EXOC4: variants seen among roughly 807,000 people sequenced by gnomAD.
EXOC4 encodes the protein SEC8-like 1.
EXOC4 carries 71 observed loss-of-function variants against 107.2 expected under a neutral mutation model. That is an observed-to-expected ratio of 0.66 (90% CI 0.55 to 0.81). The LOEUF is 0.81. Among genes scored for constraint, EXOC4 ranks in the 30% least tolerant of loss-of-function variants. The pLI is 0.00. For missense variants in EXOC4, 1,108 were observed against 1,189.6 expected, an observed-to-expected ratio of 0.93 and a Z score of 1.01; for synonymous variants, 456 against 441.2, an observed-to-expected ratio of 1.03 and a Z score of -0.42.
intron 10 of EXOC4, among the ~76,000 whole-genome samples, chr7:133,774,928 T>G (rs2151166223): frequency 6.6e-6 from 1 of 151,386 alleles, no homozygotes; most frequent in Admixed American, 6.6e-5. Flanking sequence ...ATTAGTTGAA[T>G]AAATAAGGAT....
At chr7:133,517,119 C>G (rs1165321007) in intron 9 of EXOC4, among the ~76,000 whole-genome samples, 1 of 151,910 alleles carries the variant, frequency 6.6e-6, no homozygotes, top group East Asian at 1.9e-4. Flanking sequence ...ATTTAAAAGA[C>G]AAATATTTGA....
intron 7 of EXOC4, among the ~76,000 whole-genome samples, chr7:133,469,529 AT>A (rs1382983158): frequency 6.6e-6 from 1 of 152,202 alleles, no homozygotes; most frequent in Non-Finnish European, 1.5e-5. Flanking sequence ...AGATGCCAGT[AT>A]TTTGCAAAGA....
the EXOC4 span, among the ~76,000 whole-genome samples, chr7:134,079,404 A>T: frequency 6.6e-6 from 1 of 151,184 alleles, no homozygotes; most frequent in Non-Finnish European, 1.5e-5. Context: ...AGGTTTACTT[A>T]TTTTTTTTTA....
At chr7:133,449,096 ACT>A (rs907874706) in intron 7 of EXOC4, among the ~76,000 whole-genome samples, 3 of 152,084 alleles carry the variant, frequency 2.0e-5, no homozygotes, top group African/African-American at 4.8e-5. Flanking sequence ...TGACAGTGAG[ACT>A]CTGTCTCAAA....
At chr7:133,546,721 T>C (rs1045958047) in intron 9 of EXOC4, among the ~76,000 whole-genome samples, 5 of 152,288 alleles carry the variant, frequency 3.3e-5, no homozygotes, top group Admixed American at 2.6e-4. Context: ...CCTGTCCATA[T>C]AATTTTGTAT....
At chr7:133,258,768 GGAAATCTT>G (rs1172154265) in intron 1 of EXOC4, among the ~76,000 whole-genome samples, 1 of 152,094 alleles carries the variant, frequency 6.6e-6, no homozygotes, top group Non-Finnish European at 1.5e-5. Context: ...TTTGTAACCA[GGAAATCTT>G]GTACAGCTGA....
intron 7 of EXOC4, among the ~76,000 whole-genome samples, chr7:133,375,914 ATAATT>A (rs554150885): frequency 3.9e-4 from 59 of 152,348 alleles, no homozygotes; most frequent in African/African-American, 1.2e-3. Flanking sequence ...AATTAGAAAT[ATAATT>A]AAGAGTTAGC....
intron 9 of EXOC4, among the ~76,000 whole-genome samples, chr7:133,538,686 T>C (rs931919009): frequency 2.6e-5 from 4 of 151,596 alleles, no homozygotes; most frequent in Non-Finnish European, 5.9e-5. Context: ...AAAAACTCAA[T>C]CAGGTGAGGT....
At chr7:133,752,471 G>A (rs1002845753) in intron 10 of EXOC4, among the ~76,000 whole-genome samples, 5 of 152,054 alleles carry the variant, frequency 3.3e-5, no homozygotes, top group East Asian at 1.9e-4. Flanking sequence ...ATGTTTTCTC[G>A]TTTGCTTATT....
chr7:133,835,250 G>A (rs1797893750), intron 11 of EXOC4, among the ~76,000 whole-genome samples: 1 of 152,198 alleles, frequency 6.6e-6, no homozygotes, highest in South Asian at 2.1e-4. Flanking sequence ...AGTAAATCTA[G>A]GAAGTTTATT....
intron 9 of EXOC4, among the ~76,000 whole-genome samples, chr7:133,571,990 A>G (rs534074988): frequency 2.0e-5 from 3 of 152,376 alleles, no homozygotes; most frequent in South Asian, 2.1e-4. Flanking sequence ...GGATACTTTG[A>G]AACCATAGCA....
intron 9 of EXOC4, among the ~76,000 whole-genome samples, chr7:133,588,394 T>G (rs1219166156): frequency 6.6e-6 from 1 of 152,210 alleles, no homozygotes; most frequent in Non-Finnish European, 1.5e-5. Flanking sequence ...GCTTTTTGTT[T>G]CAGTATTTAT....
chr7:133,866,897 C>T (rs973225482), intron 11 of EXOC4, among the ~76,000 whole-genome samples: 4 of 152,222 alleles, frequency 2.6e-5, no homozygotes, highest in African/African-American at 7.2e-5. Context: ...GCAGCTTTCT[C>T]TCCTGAAGAG....
In EXOC4 at chr7:133,521,724, A is replaced by G. The variant is rs185988265; in HGVS notation, c.1417+41586A>G. On this transcript the variant is annotated intron_variant, in intron 9 of 17. Transcript: ENST00000253861. ...AACCTCTGCCTCCTGGGCTCAAGCA[A>G]TTCTCCTGCCTCAGCCTCCCGAGTA... Among the ~76,000 whole-genome samples the G allele has an allele frequency of 2.6e-5, 4 of 152,094 alleles. No individual in the cohort carries two copies. The East Asian group carries it at 7.7e-4, about 29-fold the overall frequency.
At chr7:133,908,892 G>A (rs1245432990) in intron 12 of EXOC4, among the ~76,000 whole-genome samples, 11 of 152,102 alleles carry the variant, frequency 7.2e-5, no homozygotes. Flanking sequence ...GAACATGCAG[G>A]TTTATTACAT....
chr7:133,326,041 A>C (rs1795232055), intron 5 of EXOC4, among the ~76,000 whole-genome samples: 1 of 152,074 alleles, frequency 6.6e-6, no homozygotes, highest in African/African-American at 2.4e-5. Flanking sequence ...CGTAGTTCTC[A>C]CGCCATGTTT....
At chr7:133,301,351 T>C (rs1244290127) in intron 3 of EXOC4, among the ~76,000 whole-genome samples, 20 of 152,228 alleles carry the variant, frequency 1.3e-4, no homozygotes, top group Admixed American at 1.2e-3. Flanking sequence ...CTGTGTCTTA[T>C]GTATATGTAG....
chr7:133,316,868 C>T (rs1426281370), intron 4 of EXOC4, among the ~76,000 whole-genome samples: 4 of 152,114 alleles, frequency 2.6e-5, no homozygotes, highest in African/African-American at 7.2e-5. Context: ...ACTAGTTAAA[C>T]CTTTATTCAG....
chr7:133,757,670 G>A (rs1795947212), intron 10 of EXOC4, among the ~76,000 whole-genome samples: 1 of 152,188 alleles, frequency 6.6e-6, no homozygotes, highest in African/African-American at 2.4e-5. Flanking sequence ...TAAAGACAAG[G>A]TATTCGTATA....
Sources: gnomAD v4.1 joint callset for allele counts (sites outside exome capture counted in the v4.1 genomes callset) on GRCh38, gnomAD v4.1.1 for gene constraint, MANE v1.5 for transcripts, NCBI Gene and HGNC (gene_info 2026-07-23, HGNC 2026-07-21) for gene names.